CD300LF: variants seen among roughly 807,000 people sequenced by gnomAD.
CD300LF encodes CMRF35-like molecule 1.
CD300LF carries 27 observed loss-of-function variants against 32.2 expected under a neutral mutation model. The observed-to-expected ratio is 0.84, with a 90% CI of 0.62 to 1.15. CD300LF has a LOEUF of 1.15. Among genes scored for constraint, CD300LF ranks in the 50% most tolerant of loss-of-function variants. CD300LF has a pLI of 0.00. For missense variants in CD300LF, 348 were observed against 356.8 expected (o/e 0.98, Z 0.20); for synonymous variants, 139 against 143.2 (o/e 0.97, Z 0.21).
chr17:74,704,651 C>T lies in CD300LF; in HGVS notation c.209G>A (p.Gly70Glu). The part of the protein sequence containing the change: ...RDCKILVKTS[G>E]SEQEVKRDRV... ...GTCCCTCTTCACCTCCTGCTCTGAC[C>T]CACTGGTTTTAACAAGGATCTTGCA... Residue 70 changes from glycine to glutamate, a missense_variant, in exon 2 of 7, where the codon GGG becomes GAG. Coordinates refer to ENST00000326165, the MANE Select transcript of CD300LF (RefSeq NM_139018.5). 6.2e-7 allele frequency: 1 copy of T among 1,614,174 alleles called. No individual in the cohort carries two copies. The highest frequency in any genetic ancestry group is 8.5e-7 in the Non-Finnish European group (1 of 1,180,038).
Position 74,703,186 on chromosome 17 carries a change from C to T in CD300LF, c.383-88G>A, listed in dbSNP as rs549099527. 7.1e-6 allele frequency: 11 copies of T among 1,546,224 alleles called. No individual in the cohort carries two copies. The East Asian group carries it at 1.8e-4, about 25-fold the overall frequency. On this transcript the variant is annotated intron_variant, in intron 2 of 6. Transcript: ENST00000326165. ...TGTATAAACCAGATCACAGATGCCC[C>T]TGCCCATGAGCCCACCCGCAGCCCT...
chr17:74,698,337 G>T, intron 4 of CD300LF, 32 bp downstream of exon 4: 3 of 1,492,158 alleles, frequency 2.0e-6, no homozygotes, highest in Non-Finnish European at 1.9e-6. Flanking sequence ...ACCCGGCCCA[G>T]TCTCAGCCCA....
chr17:74,696,879 G>T (rs1402506153), intron 4 of CD300LF, among the ~76,000 whole-genome samples: 2 of 151,846 alleles, frequency 1.3e-5, no homozygotes, highest in Non-Finnish European at 2.9e-5. Context: ...GTGCAAGCTG[G>T]GTCGGCACAG....
At chr17:74,711,743 C>A (rs1051270010) in intron 1 of CD300LF, among the ~76,000 whole-genome samples, 3 of 152,168 alleles carry the variant, frequency 2.0e-5, no homozygotes, top group African/African-American at 7.2e-5. Flanking sequence ...ATCTGGGACC[C>A]TCTTCAGGGG....
At chr17:74,698,528 C>A in intron 3 of CD300LF, 47 bp from the exon 4 acceptor site, 1 of 1,568,242 alleles carries the variant, frequency 6.4e-7, no homozygotes. Flanking sequence ...TCACCACCTG[C>A]CTCTCAGCCC....
Position 74,695,264 on chromosome 17 carries a change from C to G in CD300LF, c.718-13G>C. ...TCGGCAAGGAAGCCTGCAGCAAAGG[C>G]GGGCTCCAGGTCAGAGAGGACGGCA... On this transcript the variant is annotated splice_polypyrimidine_tract_variant and intron_variant, in intron 6 of 6. Coordinates refer to ENST00000326165, the MANE Select transcript of CD300LF (RefSeq NM_139018.5). 3.7e-6 allele frequency: 6 copies of G among 1,613,484 alleles called. No individual in the cohort carries two copies. The highest frequency in any genetic ancestry group is 5.1e-6 in the Non-Finnish European group (6 of 1,179,674).
chr17:74,703,800 G>A (rs1051095818), intron 2 of CD300LF, among the ~76,000 whole-genome samples: 1 of 152,214 alleles, frequency 6.6e-6, no homozygotes, highest in African/African-American at 2.4e-5. Context: ...AGGGACAGCA[G>A]AACAAGCCCA....
chr17:74,695,791 C>G lies in CD300LF; in HGVS notation c.651G>C (p.Pro217=). Residue 217 remains proline (P), a synonymous_variant, in exon 6 of 7, where the codon CCG becomes CCC. Coordinates refer to ENST00000326165, the MANE Select transcript of CD300LF (RefSeq NM_139018.5). ...DLTLQLAGTS[P]QKATTKLSSA... is the part of the protein sequence containing the mutation. Reference sequence around the variant, plus strand: ...AGGAAAGCTTCGTGGTAGCCTTTTGCGGGGAGGTTCCGGCCAGCTGCAGGG... The same window carrying G: ...AGGAAAGCTTCGTGGTAGCCTTTTGGGGGGAGGTTCCGGCCAGCTGCAGGG... 1 of 1,614,132 alleles carries G rather than the reference C, an allele frequency of 6.2e-7. No individual in the cohort carries two copies. Among genetic ancestry groups the G allele is most frequent in the Non-Finnish European group, 8.5e-7 (1 of 1,180,010 alleles).
chr17:74,702,391 G>A (rs2033132302), intron 3 of CD300LF, among the ~76,000 whole-genome samples: 2 of 152,288 alleles, frequency 1.3e-5, no homozygotes, highest in South Asian at 4.2e-4. Context: ...TTCTTCTTCT[G>A]TAAAATGGGA....
chr17:74,711,831 TCA>T (rs2033983667), intron 1 of CD300LF, among the ~76,000 whole-genome samples: 2 of 152,094 alleles, frequency 1.3e-5, no homozygotes, highest in African/African-American at 4.8e-5. Context: ...TCTGTTTTCC[TCA>T]CAGTACTTAT....
chr17:74,695,758 C>G lies in CD300LF; in HGVS notation c.684G>C (p.Gln228His), dbSNP rs1464419978. The change falls in exon 6 of 7, where the codon CAG becomes CAC. Residue 228 changes from glutamine (Q) to histidine (H), a missense_variant. Coordinates refer to ENST00000326165, the MANE Select transcript of CD300LF (RefSeq NM_139018.5). ...CATATTCCACTTCCACCTGGTCAAC[C>G]TGGGCAGAGGAAAGCTTCGTGGTAG... ...QKATTKLSSAQVDQVEVEYVT... is the reference protein window; with the variant it reads ...QKATTKLSSAHVDQVEVEYVT... The G allele has an allele frequency of 6.2e-7, 1 of 1,614,076 alleles. No individual in the cohort carries two copies. The highest frequency in any genetic ancestry group is 8.5e-7 in the Non-Finnish European group (1 of 1,180,032).
chr17:74,704,791 G>A lies in CD300LF; in HGVS notation c.69C>T (p.Thr23=), dbSNP rs200489852. 2.2e-5 allele frequency: 36 copies of A among 1,613,246 alleles called. No individual in the cohort carries two copies. The highest frequency in any genetic ancestry group is 2.6e-5 in the Non-Finnish European group (31 of 1,179,450). Residue 23 remains threonine (T), a synonymous_variant, in exon 2 of 7, where the codon ACC becomes ACT. Transcript: ENST00000326165. ...LSGYSIVTQI[T]GPTTVNGLER... ...CCAAGCCATTCACTGTTGTTGGACCGGTGATTTGAGTGACAATGGAGTAGC... is the reference window on the plus strand; with the variant it reads ...CCAAGCCATTCACTGTTGTTGGACCAGTGATTTGAGTGACAATGGAGTAGC...
At chr17:74,702,953 G>T in intron 3 of CD300LF, 82 bp downstream of exon 3, 1 of 1,187,284 alleles carries the variant, frequency 8.4e-7, no homozygotes, top group Non-Finnish European at 1.2e-6. Context: ...ACAAAGCTCA[G>T]GCTGGAAAAT....
intron 4 of CD300LF, among the ~76,000 whole-genome samples, chr17:74,696,822 T>G (rs1002489277): frequency 2.0e-5 from 3 of 152,174 alleles, no homozygotes; most frequent in Non-Finnish European, 2.9e-5. Flanking sequence ...AAAAGTTGTC[T>G]GCAGAGACAG....
At chr17:74,708,341 AC>A (rs2033681479) in intron 1 of CD300LF, among the ~76,000 whole-genome samples, 1 of 152,168 alleles carries the variant, frequency 6.6e-6, no homozygotes, top group South Asian at 2.1e-4. Flanking sequence ...TTTACCAAAC[AC>A]GTAAAGAAGA....
At chr17:74,709,742 ATT>A (rs534800950) in intron 1 of CD300LF, among the ~76,000 whole-genome samples, 2 of 146,118 alleles carry the variant, frequency 1.4e-5, no homozygotes, top group South Asian at 4.3e-4. Context: ...CCAGGCTAGT[ATT>A]TTTTTTTTTG....
intron 4 of CD300LF, among the ~76,000 whole-genome samples, chr17:74,697,092 C>A (rs2143585883): frequency 6.6e-6 from 1 of 152,292 alleles, no homozygotes; most frequent in Non-Finnish European, 1.5e-5. Context: ...CAGATGTGTG[C>A]CACCATATCC....
chr17:74,695,508 G>A lies in CD300LF; in HGVS notation c.717+217C>T, dbSNP rs149021674. On this transcript the variant is annotated intron_variant, in intron 6 of 6. Transcript: ENST00000326165. Reference sequence around the variant, plus strand: ...CACTCAGCCTGTCTGGGACTCTGCTGCCCACGTGGGGACTGTGTTTGCCAG... The same window carrying A: ...CACTCAGCCTGTCTGGGACTCTGCTACCCACGTGGGGACTGTGTTTGCCAG... Among the ~76,000 whole-genome samples the A allele has an allele frequency of 4.5e-4, 69 of 152,296 alleles. No homozygotes were observed. In the East Asian group the frequency reaches 0.012, roughly 26 times the overall value.
intron 1 of CD300LF, among the ~76,000 whole-genome samples, chr17:74,706,273 G>GA (rs144675318): frequency 0.023 from 3,116 of 137,512 alleles, 82 homozygotes; most frequent in African/African-American, 0.056. Flanking sequence ...CATTTTAAAG[G>GA]AAAAAAAAAA....
Sources: gnomAD v4.1 joint callset for allele counts (sites outside exome capture counted in the v4.1 genomes callset) on GRCh38, gnomAD v4.1.1 for gene constraint, MANE v1.5 for transcripts, NCBI Gene and HGNC (gene_info 2026-07-23, HGNC 2026-07-21) for gene names.